The following IL7 variants were observed in gnomAD, a reference collection of about 807,000 sequenced individuals.
IL7 encodes the protein interleukin 7, also known as interleukin-7.
Under a neutral mutation model 21.6 loss-of-function variants are expected in IL7, and 3 were observed. That is an observed-to-expected ratio of 0.14 (90% CI 0.06 to 0.36). The LOEUF (loss-of-function observed/expected upper bound fraction) is 0.36, where lower values mean the gene tolerates loss of function less well. Ranked by LOEUF, IL7 falls within the 10% of genes least tolerant of loss-of-function variation. The pLI, the probability that IL7 is intolerant of heterozygous loss-of-function variation, is 1.00. For missense variants in IL7, 175 were observed against 200.2 expected (o/e 0.87, Z 0.76); for synonymous variants, 62 against 68.1 (o/e 0.91, Z 0.44).
At chr8:78,790,060 T>C (rs1420703946) in intron 2 of IL7, among the ~76,000 whole-genome samples, 2 of 152,164 alleles carry the variant, frequency 1.3e-5, no homozygotes, top group African/African-American at 4.8e-5. Flanking sequence ...AAGTTGAATC[T>C]GTGAAAGCCT....
intron 2 of IL7, among the ~76,000 whole-genome samples, chr8:78,795,084 T>C (rs1160649032): frequency 6.6e-6 from 1 of 152,054 alleles, no homozygotes; most frequent in East Asian, 1.9e-4. Context: ...GGGCCTCAGA[T>C]TCTTCTGTTG....
chr8:78,753,908 G>A (rs1038596614), intron 2 of IL7, among the ~76,000 whole-genome samples: 3 of 152,028 alleles, frequency 2.0e-5, no homozygotes, highest in Admixed American at 6.6e-5. Flanking sequence ...CTGAGGCCTC[G>A]GTTCTGTTCA....
At position 78,760,569 on chromosome 8, in the gene IL7, A is replaced by G. The variant is rs986586452; in HGVS notation, c.148-20487T>C. The G allele has an allele frequency of 3.9e-6, 6 of 1,553,206 alleles. No homozygotes were observed. In the Admixed American group the frequency reaches 7.8e-5, roughly 20 times the overall value. On this transcript the variant is annotated intron_variant, in intron 2 of 5. Coordinates refer to ENST00000263851, the MANE Select transcript of IL7 (RefSeq NM_000880.4). ...TACATGTCAGCATGGTGTTCCTCCAAAGTATTGAATTTGAGTTGTCCCATG... is the reference window on the plus strand; with the variant it reads ...TACATGTCAGCATGGTGTTCCTCCAGAGTATTGAATTTGAGTTGTCCCATG...
intron 2 of IL7, chr8:78,747,188 CTT>C (rs1191243585): frequency 0.055 from 13,655 of 248,818 alleles, no homozygotes; most frequent in South Asian, 0.088. Flanking sequence ...TACTTCATTG[CTT>C]TTTTTTTTTT....
At chr8:78,767,350 C>A (rs980919245) in intron 2 of IL7, among the ~76,000 whole-genome samples, 2 of 151,912 alleles carry the variant, frequency 1.3e-5, no homozygotes, top group Admixed American at 6.6e-5. Flanking sequence ...GTCAGATAGT[C>A]ATTCTATTTC....
chr8:78,700,056 G>T (rs1303590182), intron 3 of IL7, among the ~76,000 whole-genome samples: 2 of 152,132 alleles, frequency 1.3e-5, no homozygotes, highest in Non-Finnish European at 2.9e-5. Context: ...CTTTCACAGT[G>T]GCTGAAGTAA....
intron 4 of IL7, chr8:78,679,324 G>C (rs372369609): frequency 6.6e-6 from 1 of 151,992 alleles, no homozygotes; most frequent in African/African-American, 2.4e-5. Flanking sequence ...CCAGGGACTC[G>C]CCTCTGATAT....
At chr8:78,804,378 A>C (rs1814218942) in intron 1 of IL7, among the ~76,000 whole-genome samples, 1 of 152,156 alleles carries the variant, frequency 6.6e-6, no homozygotes, top group Non-Finnish European at 1.5e-5. Flanking sequence ...CCCTTGCCGG[A>C]AACTCCCAGT....
At chr8:78,681,479 G>A (rs888461541) in intron 4 of IL7, among the ~76,000 whole-genome samples, 12 of 152,120 alleles carry the variant, frequency 7.9e-5, no homozygotes, top group South Asian at 2.1e-4. Context: ...ATTTGCTGAC[G>A]TTTAAGATTT....
intron 2 of IL7, among the ~76,000 whole-genome samples, chr8:78,763,041 T>C (rs1812630166): frequency 6.6e-6 from 1 of 152,224 alleles, no homozygotes; most frequent in Non-Finnish European, 1.5e-5. Flanking sequence ...AATGTCAGCA[T>C]TGTCTGAGAG....
intron 3 of IL7, chr8:78,698,543 G>C: frequency 1.4e-6 from 2 of 1,449,202 alleles, no homozygotes; most frequent in Non-Finnish European, 1.9e-6. Flanking sequence ...AATTATTAGT[G>C]GTATATAATT....
intron 3 of IL7, among the ~76,000 whole-genome samples, chr8:78,725,142 C>T (rs1039994815): frequency 2.0e-5 from 3 of 151,888 alleles, no homozygotes; most frequent in Non-Finnish European, 2.9e-5. Flanking sequence ...TTTCTTACAG[C>T]GAGGGAGTAT....
At chr8:78,771,572 A>G (rs893241845) in intron 2 of IL7, among the ~76,000 whole-genome samples, 8 of 152,142 alleles carry the variant, frequency 5.3e-5, no homozygotes, top group African/African-American at 1.9e-4. Context: ...GAGTCAAAAA[A>G]TTGCAAAGAA....
At chr8:78,709,489 T>C (rs1167348274) in intron 3 of IL7, among the ~76,000 whole-genome samples, 1 of 152,176 alleles carries the variant, frequency 6.6e-6, no homozygotes, top group Non-Finnish European at 1.5e-5. Flanking sequence ...CTTATGTGGA[T>C]AACAATGATT....
intron 2 of IL7, among the ~76,000 whole-genome samples, chr8:78,773,558 T>C (rs1434151955): frequency 2.0e-5 from 3 of 152,082 alleles, no homozygotes; most frequent in Non-Finnish European, 2.9e-5. Flanking sequence ...AATTTGGTTG[T>C]GGTGCTGGGC....
chr8:78,687,711 T>TTC (rs1563626842), intron 3 of IL7, among the ~76,000 whole-genome samples: 25 of 94,508 alleles, frequency 2.6e-4, no homozygotes, highest in South Asian at 3.2e-4. Flanking sequence ...ATTATATATA[T>TTC]ATTTACGTAA....
At chr8:78,695,658 A>C (rs10957897) in intron 3 of IL7, among the ~76,000 whole-genome samples, 102,867 of 151,874 alleles carry the variant, frequency 0.68, 35,669 homozygotes, top group East Asian at 0.89. Context: ...TTCTCTCTCT[A>C]TATATATATA....
intron 2 of IL7, among the ~76,000 whole-genome samples, chr8:78,793,016 T>C (rs1813744083): frequency 6.6e-6 from 1 of 152,096 alleles, no homozygotes; most frequent in Admixed American, 6.6e-5. Context: ...ATGTGGCATA[T>C]CCATACAACA....
intron 3 of IL7, chr8:78,711,867 C>G: frequency 2.2e-6 from 1 of 463,560 alleles, no homozygotes; most frequent in Non-Finnish European, 3.7e-6. Flanking sequence ...CCTTGACAGT[C>G]AGATAAAATT....
Sources: gnomAD v4.1 joint callset for allele counts (sites outside exome capture counted in the v4.1 genomes callset) on GRCh38, gnomAD v4.1.1 for gene constraint, MANE v1.5 for transcripts, NCBI Gene and HGNC (gene_info 2026-07-23, HGNC 2026-07-21) for gene names.